FAT3: variants seen among roughly 807,000 people sequenced by gnomAD.
FAT3 encodes the protein protocadherin Fat 3.
In FAT3, 95 loss-of-function variants were observed where a neutral mutation model predicts 310.2. That is an observed-to-expected ratio of 0.31 (90% CI 0.26 to 0.36). The LOEUF is 0.36. FAT3 is among the 10% of genes least tolerant of loss of function. The pLI, the probability that FAT3 is intolerant of heterozygous loss-of-function variation, is 1.00. For missense variants in FAT3, 5,408 were observed against 5,715.6 expected (o/e 0.95, Z 1.74); for synonymous variants, 2,314 against 2,192.9 (o/e 1.06, Z -1.54).
intron 2 of FAT3, among the ~76,000 whole-genome samples, chr11:92,383,711 T>G (rs566644774): frequency 6.6e-6 from 1 of 152,324 alleles, no homozygotes; most frequent in Non-Finnish European, 1.5e-5. Context: ...TTTTCCTGTC[T>G]TATCCTCCAG....
chr11:92,676,851 C>T (rs1591596620), intron 3 of FAT3, among the ~76,000 whole-genome samples: 1 of 152,314 alleles, frequency 6.6e-6, no homozygotes, highest in East Asian at 1.9e-4. Flanking sequence ...TGGACTCTCT[C>T]ATTTATATCC....
intron 3 of FAT3, among the ~76,000 whole-genome samples, chr11:92,628,960 C>G (rs1011063066): frequency 2.0e-4 from 31 of 152,328 alleles, no homozygotes; most frequent in Admixed American, 2.0e-3. Context: ...CTATCACAGA[C>G]TTTTTGAAGG....
At chr11:92,476,060 T>A (rs1311647313) in intron 2 of FAT3, among the ~76,000 whole-genome samples, 1 of 151,588 alleles carries the variant, frequency 6.6e-6, no homozygotes, top group Non-Finnish European at 1.5e-5. Context: ...CAGCAGTGAG[T>A]GTGTGAGTGT....
At chr11:92,486,129 GGTT>G (rs1952380409) in intron 2 of FAT3, among the ~76,000 whole-genome samples, 4 of 27,670 alleles carry the variant, frequency 1.4e-4, no homozygotes, top group Admixed American at 6.8e-4. Flanking sequence ...AGGCTGCTGG[GGTT>G]TTTTTTTTTT....
intron 4 of FAT3, among the ~76,000 whole-genome samples, chr11:92,713,120 A>G (rs763681867): frequency 2.0e-5 from 3 of 152,348 alleles, no homozygotes; most frequent in South Asian, 2.1e-4. Context: ...TCTGGAAGCT[A>G]TAAGTAGACC....
chr11:92,803,249 A>G (rs1238225323), intron 10 of FAT3, among the ~76,000 whole-genome samples: 1 of 152,218 alleles, frequency 6.6e-6, no homozygotes, highest in Non-Finnish European at 1.5e-5. Flanking sequence ...TAAAGGGACT[A>G]TCCCATCGAC....
At chr11:92,668,889 G>C (rs1591587151) in intron 3 of FAT3, among the ~76,000 whole-genome samples, 1 of 152,180 alleles carries the variant, frequency 6.6e-6, no homozygotes, top group Admixed American at 6.5e-5. Flanking sequence ...GTATCGAGCA[G>C]CATTTAAGTT....
Position 92,873,677 on chromosome 11 carries a change from G to T in FAT3, c.12127+6468G>T, listed in dbSNP as rs1471740139. On this transcript the variant is annotated intron_variant, in intron 22 of 27. Transcript: ENST00000525166. ...TATGTTTTGCAATGCTCTTCTTTGA[G>T]CAAGGAAAGGAGGATTCATTTTAAG... 2.0e-5 allele frequency among the ~76,000 whole-genome samples: 3 copies of T among 152,154 alleles called. No homozygotes were observed. In the East Asian group the frequency reaches 5.8e-4, roughly 29 times the overall value.
chr11:92,635,386 T>C (rs911854274), intron 3 of FAT3, among the ~76,000 whole-genome samples: 2 of 152,230 alleles, frequency 1.3e-5, no homozygotes, highest in Admixed American at 6.5e-5. Flanking sequence ...TATAGTTAGT[T>C]TTCCACTGGA....
intron 1 of FAT3, among the ~76,000 whole-genome samples, chr11:92,300,309 A>T (rs1281951566): frequency 6.6e-6 from 1 of 152,106 alleles, no homozygotes; most frequent in Non-Finnish European, 1.5e-5. Flanking sequence ...GGTCACTTTC[A>T]TGGGCTGTTT....
chr11:92,719,955 A>G (rs1944815400), intron 4 of FAT3, among the ~76,000 whole-genome samples: 1 of 152,156 alleles, frequency 6.6e-6, no homozygotes, highest in African/African-American at 2.4e-5. Flanking sequence ...CTCCAGCAGA[A>G]GTGGCGTGTT....
intron 2 of FAT3, among the ~76,000 whole-genome samples, chr11:92,506,040 G>A (rs1953089336): frequency 6.6e-6 from 1 of 152,102 alleles, no homozygotes; most frequent in African/African-American, 2.4e-5. Flanking sequence ...CATATCTGTG[G>A]CTACAGAGCA....
Position 92,355,375 on chromosome 11 carries a change from T to G in FAT3, c.3263T>G (p.Leu1088Arg). 1.9e-6 allele frequency: 3 copies of G among 1,613,600 alleles called. No individual in the cohort carries two copies. Among genetic ancestry groups the G allele is most frequent in the Non-Finnish European group, 2.5e-6 (3 of 1,179,688 alleles). ...TACTCCATCAGGGATGGCAGTGGTC[T>G]TGGAAGGTTCAGTATAGACGACGAG... The part of the protein sequence containing the change: ...IQYSIRDGSG[L>R]GRFSIDDESG... The change falls in exon 2 of 28, where the codon CTT becomes CGT. Residue 1088 changes from leucine (L) to arginine (R), a missense_variant. By Grantham distance (102) the Leu-to-Arg change is moderately radical. Around this residue, in one of 5 missense-constraint regions of FAT3, gnomAD observed 4,588 missense variants for 4,809.8 expected, o/e 0.95. Transcript: ENST00000525166.
rs200532728 is a variant in FAT3 at position 92,588,682 on chromosome 11, A to ATTCTTCTGT, written c.3607+63736_3607+63744dup. On this transcript the variant is annotated intron_variant, in intron 3 of 27. Transcript: ENST00000525166. ...AGATTGGATGAGAACAAAATCAACC[A>ATTCTTCTGT]TTCTTCTGTTAGACATCAGCCAGAT... Among the ~76,000 whole-genome samples, 1,364 of 148,424 alleles carry ATTCTTCTGT rather than the reference A, an allele frequency of 9.2e-3. 52 individuals carry two copies. The highest frequency in any genetic ancestry group is 0.033 in the African/African-American group (1,301 of 39,192).
chr11:92,348,221 C>G (rs1250556005), intron 1 of FAT3, among the ~76,000 whole-genome samples: 1 of 151,798 alleles, frequency 6.6e-6, no homozygotes, highest in Non-Finnish European at 1.5e-5. Flanking sequence ...CAAACTTAGT[C>G]CTGCTCAGTT....
intron 7 of FAT3, among the ~76,000 whole-genome samples, chr11:92,780,421 C>T (rs1946716811): frequency 6.6e-6 from 1 of 152,020 alleles, no homozygotes; most frequent in African/African-American, 2.4e-5. Flanking sequence ...CCTTGGCCTC[C>T]CAAAGTGCTA....
chr11:92,363,460 C>A (rs2134682624), intron 2 of FAT3, among the ~76,000 whole-genome samples: 1 of 152,278 alleles, frequency 6.6e-6, no homozygotes, highest in Admixed American at 6.5e-5. Context: ...TTCAGAAGCA[C>A]CAGAAATCAT....
At chr11:92,396,711 A>G (rs979594584) in intron 2 of FAT3, among the ~76,000 whole-genome samples, 1 of 151,918 alleles carries the variant, frequency 6.6e-6, no homozygotes, top group Non-Finnish European at 1.5e-5. Context: ...TTTGTTATTT[A>G]TTTATTTTTT....
Position 92,576,488 on chromosome 11 carries a change from TCTTA to T in FAT3, c.3607+51544_3607+51547del, listed in dbSNP as rs562168250. ...TTCCCAAGCAGGATGTGTATGCTGT[TCTTA>T]CTTTAGTAAGTACAGTCCTTGGAAC... On this transcript the variant is annotated intron_variant, in intron 3 of 27. Coordinates refer to ENST00000525166, the MANE Select transcript of FAT3 (RefSeq NM_001367949.2). Among the ~76,000 whole-genome samples the T allele has an allele frequency of 1.4e-3, 206 of 152,282 alleles. 1 individual carries two copies. Among genetic ancestry groups the T allele is most frequent in the African/African-American group, 4.7e-3 (197 of 41,554 alleles).
Sources: gnomAD v4.1 joint callset for allele counts (sites outside exome capture counted in the v4.1 genomes callset) on GRCh38, gnomAD v4.1.1 for gene constraint, gnomAD v4.1.1 regional missense constraint, MANE v1.5 for transcripts, NCBI Gene and HGNC (gene_info 2026-07-23, HGNC 2026-07-21) for gene names.